SCAMP1: variants seen among roughly 807,000 people sequenced by gnomAD.
SCAMP1 encodes the protein secretory carrier membrane protein 1.
SCAMP1 carries 15 observed loss-of-function variants against 41.8 expected under a neutral mutation model. The ratio of observed to expected loss-of-function variants is 0.36; its 90% CI spans 0.24 to 0.55. SCAMP1 has a LOEUF of 0.55. Among genes scored for constraint, SCAMP1 ranks in the 20% least tolerant of loss-of-function variants. The pLI, the probability that SCAMP1 is intolerant of heterozygous loss-of-function variation, is 0.86. For missense variants in SCAMP1, 341 were observed against 412.6 expected, an observed-to-expected ratio of 0.83 and a Z score of 1.50; for synonymous variants, 135 against 136.8, an observed-to-expected ratio of 0.99 and a Z score of 0.09.
chr5:78,436,252 C>G (rs1752750013), intron 6 of SCAMP1, among the ~76,000 whole-genome samples: 1 of 152,134 alleles, frequency 6.6e-6, no homozygotes, highest in Non-Finnish European at 1.5e-5. Context: ...TCTATTTTGG[C>G]TTTTGTTGCT....
intron 2 of SCAMP1, among the ~76,000 whole-genome samples, chr5:78,398,443 T>C (rs1751711370): frequency 6.9e-6 from 1 of 145,904 alleles, no homozygotes; most frequent in Non-Finnish European, 1.5e-5. Context: ...TAGCTTACTG[T>C]GACCTCAAAC....
At chr5:78,369,792 T>C (rs186868640) in intron 1 of SCAMP1, among the ~76,000 whole-genome samples, 1 of 152,364 alleles carries the variant, frequency 6.6e-6, no homozygotes, top group Admixed American at 6.5e-5. Flanking sequence ...GGATGCTTTA[T>C]GTTCAGAGAC....
At chr5:78,381,663 C>A (rs191287208) in intron 1 of SCAMP1, among the ~76,000 whole-genome samples, 5 of 152,296 alleles carry the variant, frequency 3.3e-5, no homozygotes, top group Admixed American at 2.6e-4. Context: ...ATTTCATTCC[C>A]TCTTTCCCAT....
At chr5:78,433,497 G>T (rs1310331123) in intron 6 of SCAMP1, among the ~76,000 whole-genome samples, 1 of 152,098 alleles carries the variant, frequency 6.6e-6, no homozygotes, top group Non-Finnish European at 1.5e-5. Context: ...GTGGGGGCAG[G>T]TGTCAGGTAA....
intron 6 of SCAMP1, among the ~76,000 whole-genome samples, chr5:78,438,494 G>A (rs577555853): frequency 6.6e-6 from 1 of 152,162 alleles, no homozygotes; most frequent in Non-Finnish European, 1.5e-5. Context: ...TCAGGAGCAG[G>A]TTGTTCAGTT....
intron 2 of SCAMP1, among the ~76,000 whole-genome samples, chr5:78,408,524 T>G (rs6453387): frequency 0.95 from 144,781 of 152,150 alleles, 69,092 homozygotes; most frequent in Non-Finnish European, 0.97. Context: ...GAAAATTGGA[T>G]GTTGGATTAT....
At chr5:78,362,232 A>G (rs1165138096) in intron 1 of SCAMP1, among the ~76,000 whole-genome samples, 2 of 152,244 alleles carry the variant, frequency 1.3e-5, no homozygotes, top group South Asian at 2.1e-4. Flanking sequence ...TATTTTGAAG[A>G]TAAAACATCA....
chr5:78,397,829 G>A (rs910159888), intron 2 of SCAMP1, among the ~76,000 whole-genome samples: 3 of 152,106 alleles, frequency 2.0e-5, no homozygotes, highest in African/African-American at 7.2e-5. Context: ...AAGATAAATG[G>A]CCAATAAGCA....
In SCAMP1 at chr5:78,391,276, G is replaced by A. The variant is rs1183500990; in HGVS notation, c.135+2362G>A. On this transcript the variant is annotated intron_variant, in intron 2 of 8. Transcript: ENST00000621999. ...TCCCGGACGGGGCAGCTGGCCGGGCGGGGGGCTGACCCCCCCACCTCCCTC... is the reference window on the plus strand; with the variant it reads ...TCCCGGACGGGGCAGCTGGCCGGGCAGGGGGCTGACCCCCCCACCTCCCTC... Among the ~76,000 whole-genome samples the A allele has an allele frequency of 5.4e-5, 8 of 149,046 alleles. No homozygotes were observed. The East Asian group carries it at 1.6e-3, about 30-fold the overall frequency.
At chr5:78,416,792 CCT>C (rs1249916898) in intron 4 of SCAMP1, 143 bp downstream of exon 4, 2 of 595,510 alleles carry the variant, frequency 3.4e-6, no homozygotes, top group Non-Finnish European at 5.9e-6. Flanking sequence ...CAGCAGATTG[CCT>C]GTTTGATACT....
chr5:78,474,482 C>T (rs540400350), intron 8 of SCAMP1, among the ~76,000 whole-genome samples: 1 of 152,288 alleles, frequency 6.6e-6, no homozygotes, highest in Admixed American at 6.5e-5. Context: ...AGCCTATCCT[C>T]TCTTTTCTCT....
Position 78,426,866 on chromosome 5 carries a change from TTTATTCGGGCTGCAG to T in SCAMP1, c.632+4907_632+4921del, listed in dbSNP as rs1561271401. ...TTTACTTAGAATAACGTTTTTGAGGTTTATTCGGGCTGCAGAATGTGTTAGTAATTCATTTCTCTT... is the reference window on the plus strand; with the variant it reads ...TTTACTTAGAATAACGTTTTTGAGGTAATGTGTTAGTAATTCATTTCTCTT... On this transcript the variant is annotated intron_variant, in intron 6 of 8. Coordinates refer to ENST00000621999, the MANE Select transcript of SCAMP1 (RefSeq NM_004866.6). Among the ~76,000 whole-genome samples, 4 of 152,200 alleles carry T rather than the reference TTTATTCGGGCTGCAG, an allele frequency of 2.6e-5. No individual in the cohort carries two copies. The East Asian group carries it at 7.7e-4, about 29-fold the overall frequency.
chr5:78,449,648 G>T (rs1245027721), intron 6 of SCAMP1, among the ~76,000 whole-genome samples: 1 of 152,178 alleles, frequency 6.6e-6, no homozygotes, highest in Non-Finnish European at 1.5e-5. Flanking sequence ...AAGAAAACGA[G>T]TAAGTTTTTT....
At chr5:78,393,411 A>G (rs532695429) in intron 2 of SCAMP1, among the ~76,000 whole-genome samples, 1 of 152,016 alleles carries the variant, frequency 6.6e-6, no homozygotes, top group East Asian at 1.9e-4. Context: ...GCCTCAAGTG[A>G]TCCTCCTGCC....
intron 1 of SCAMP1, chr5:78,361,046 G>A (rs1418320909): frequency 2.2e-5 from 6 of 277,398 alleles, no homozygotes; most frequent in Non-Finnish European, 4.1e-5. Context: ...AGGAGAGAAA[G>A]CCGAGGGCAG....
intron 2 of SCAMP1, among the ~76,000 whole-genome samples, chr5:78,407,701 C>T (rs1272025084): frequency 1.3e-5 from 2 of 151,474 alleles, no homozygotes; most frequent in Admixed American, 6.6e-5. Flanking sequence ...TATAATTTCT[C>T]ATATTTACAT....
rs547661753 is a variant in SCAMP1 at position 78,368,068 on chromosome 5, T to C, written c.57+7340T>C. On this transcript the variant is annotated intron_variant, in intron 1 of 8. Coordinates refer to ENST00000621999, the MANE Select transcript of SCAMP1 (RefSeq NM_004866.6). Reference sequence around the variant, plus strand: ...AGAAGTTTCTATTAATTTTGAACTGTTTCTTTAGTCCAGGCTGTCACAACT... The same window carrying C: ...AGAAGTTTCTATTAATTTTGAACTGCTTCTTTAGTCCAGGCTGTCACAACT... Among the ~76,000 whole-genome samples the C allele has an allele frequency of 7.2e-5, 11 of 152,354 alleles. No homozygotes were observed. The East Asian group carries it at 1.7e-3, about 24-fold the overall frequency.
intron 8 of SCAMP1, among the ~76,000 whole-genome samples, chr5:78,465,375 A>G (rs1753720033): frequency 6.6e-6 from 1 of 152,198 alleles, no homozygotes; most frequent in South Asian, 2.1e-4. Flanking sequence ...GACTTCTGTA[A>G]CCACTCAGGT....
intron 1 of SCAMP1, among the ~76,000 whole-genome samples, chr5:78,366,246 C>T (rs746899227): frequency 2.6e-5 from 4 of 151,168 alleles, no homozygotes; most frequent in Admixed American, 6.6e-5. Flanking sequence ...TGGGTTCAAG[C>T]GATTCCCCTA....
Sources: allele counts gnomAD v4.1 joint callset (sites outside exome capture counted in the v4.1 genomes callset), GRCh38; gene constraint gnomAD v4.1.1; transcripts MANE v1.5; gene names NCBI Gene and HGNC (gene_info 2026-07-23, HGNC 2026-07-21).